The following UVRAG variants were observed in gnomAD, a reference collection of about 807,000 sequenced individuals.
UVRAG encodes UV radiation resistance-associated gene protein.
A neutral mutation model predicts 78.0 loss-of-function variants in UVRAG; 19 were observed. The observed-to-expected ratio is 0.24, with a 90% CI of 0.17 to 0.36. UVRAG has a LOEUF of 0.36. Among genes scored for constraint, UVRAG ranks in the 10% least tolerant of loss-of-function variants. UVRAG has a pLI of 1.00. For missense variants in UVRAG, 740 were observed against 853.8 expected (o/e 0.87, Z 1.66); for synonymous variants, 323 against 324.6 (o/e 1.00, Z 0.05).
intron 11 of UVRAG, among the ~76,000 whole-genome samples, chr11:76,016,222 T>G (rs1369067632): frequency 2.0e-5 from 3 of 152,204 alleles, no homozygotes; most frequent in African/African-American, 7.2e-5. Flanking sequence ...AGTGTGGTTT[T>G]TCACCTTTTG....
chr11:76,068,128 A>G (rs992168983), intron 13 of UVRAG, among the ~76,000 whole-genome samples: 5 of 152,160 alleles, frequency 3.3e-5, no homozygotes, highest in African/African-American at 9.7e-5. Context: ...TTTCTTCTCA[A>G]GGGCCCAAAA....
chr11:76,063,302 T>C (rs1450295564), intron 12 of UVRAG, among the ~76,000 whole-genome samples: 1 of 152,074 alleles, frequency 6.6e-6, no homozygotes, highest in African/African-American at 2.4e-5. Context: ...AAAGAAAGGG[T>C]TGCAAACTGA....
chr11:75,862,050 G>A (rs1052572415), intron 3 of UVRAG, among the ~76,000 whole-genome samples: 2 of 151,910 alleles, frequency 1.3e-5, no homozygotes, highest in African/African-American at 2.4e-5. Context: ...AAACTGGCAC[G>A]TTGTGTACAT....
At chr11:76,123,243 C>T (rs909470423) in intron 14 of UVRAG, among the ~76,000 whole-genome samples, 6 of 152,144 alleles carry the variant, frequency 3.9e-5, no homozygotes, top group Admixed American at 1.3e-4. Context: ...AGATACACTG[C>T]GAAATCAGGC....
intron 7 of UVRAG, among the ~76,000 whole-genome samples, chr11:75,964,014 G>GT (rs1004567986): frequency 1.3e-5 from 2 of 152,038 alleles, no homozygotes; most frequent in East Asian, 1.9e-4. Flanking sequence ...ATAAATGTAT[G>GT]TTTTTTCTCT....
chr11:75,880,928 CT>C (rs773034018), intron 4 of UVRAG, among the ~76,000 whole-genome samples: 1,326 of 87,616 alleles, frequency 0.015, 23 homozygotes, highest in African/African-American at 0.047. Context: ...TTATTTACTT[CT>C]TTTTTTTTTT....
At chr11:75,822,419 T>G (rs573901531) in intron 1 of UVRAG, among the ~76,000 whole-genome samples, 1 of 152,310 alleles carries the variant, frequency 6.6e-6, no homozygotes, top group African/African-American at 2.4e-5. Context: ...TGAACACCAA[T>G]ATGGTGTCCT....
intron 12 of UVRAG, among the ~76,000 whole-genome samples, chr11:76,054,894 T>A (rs1441847231): frequency 2.0e-5 from 3 of 152,240 alleles, no homozygotes; most frequent in Non-Finnish European, 4.4e-5. Context: ...AGAATAGTAT[T>A]TGCTTTATTT....
At chr11:75,954,718 C>T (rs914830545) in intron 6 of UVRAG, among the ~76,000 whole-genome samples, 4 of 152,162 alleles carry the variant, frequency 2.6e-5, no homozygotes, top group African/African-American at 7.2e-5. Flanking sequence ...TTGGAATACA[C>T]CTTAGAAGAT....
At chr11:75,857,993 C>T (rs1456570561) in intron 2 of UVRAG, among the ~76,000 whole-genome samples, 2 of 152,076 alleles carry the variant, frequency 1.3e-5, no homozygotes, top group African/African-American at 4.8e-5. Flanking sequence ...TTGTATGTCT[C>T]TTCCCACTAG....
chr11:76,053,299 C>G (rs959858431), intron 12 of UVRAG, among the ~76,000 whole-genome samples: 4 of 134,286 alleles, frequency 3.0e-5, no homozygotes, highest in African/African-American at 1.4e-4. Flanking sequence ...GAGTGAGACT[C>G]TGTCTCAAAA....
intron 12 of UVRAG, among the ~76,000 whole-genome samples, chr11:76,064,549 A>G (rs1413372074): frequency 2.0e-5 from 3 of 152,176 alleles, no homozygotes; most frequent in African/African-American, 7.2e-5. Context: ...TGTGTGAAGC[A>G]TTTGGTGTTC....
intron 1 of UVRAG, among the ~76,000 whole-genome samples, chr11:75,830,373 G>A (rs1167023182): frequency 6.6e-6 from 1 of 151,054 alleles, no homozygotes; most frequent in Non-Finnish European, 1.5e-5. Context: ...GGGTTCAAGC[G>A]ATTCTCCTGC....
chr11:75,869,822 T>G (rs1946612187), intron 3 of UVRAG, among the ~76,000 whole-genome samples: 1 of 152,228 alleles, frequency 6.6e-6, no homozygotes, highest in Non-Finnish European at 1.5e-5. Flanking sequence ...GTTGTATGGT[T>G]TCAGAAAGTT....
chr11:76,020,085 G>C (rs149760404), intron 12 of UVRAG, among the ~76,000 whole-genome samples: 3 of 152,078 alleles, frequency 2.0e-5, no homozygotes, highest in Non-Finnish European at 4.4e-5. Context: ...CTTATTATAC[G>C]CAGAGGTTTC....
chr11:76,003,685 A>G (rs1402820921), intron 8 of UVRAG, among the ~76,000 whole-genome samples: 17 of 152,092 alleles, frequency 1.1e-4, no homozygotes, highest in Admixed American at 9.8e-4. Flanking sequence ...TTAATCACTC[A>G]TTTTTTTAAA....
intron 2 of UVRAG, among the ~76,000 whole-genome samples, chr11:75,856,698 G>C (rs765846259): frequency 6.6e-6 from 1 of 152,118 alleles, no homozygotes; most frequent in Non-Finnish European, 1.5e-5. Context: ...CACCTGCCTT[G>C]GTTCCCAAAG....
At chr11:76,109,430 G>A (rs1952031526) in intron 13 of UVRAG, among the ~76,000 whole-genome samples, 1 of 152,208 alleles carries the variant, frequency 6.6e-6, no homozygotes, top group Admixed American at 6.5e-5. Flanking sequence ...TGACTACCCT[G>A]TAAAAGTCAG....
intron 12 of UVRAG, among the ~76,000 whole-genome samples, chr11:76,037,873 G>T (rs1418145495): frequency 6.6e-6 from 1 of 152,142 alleles, no homozygotes; most frequent in Non-Finnish European, 1.5e-5. Context: ...TTCCCCTTCA[G>T]TGTGGGCAAG....
Sources: allele counts gnomAD v4.1 joint callset (sites outside exome capture counted in the v4.1 genomes callset), GRCh38; gene constraint gnomAD v4.1.1; transcripts MANE v1.5; gene names NCBI Gene and HGNC (gene_info 2026-07-23, HGNC 2026-07-21).